Variants in PAPLN observed in about 807,000 individuals in gnomAD.
The protein encoded by PAPLN is papilin.
PAPLN carries 146 observed loss-of-function variants against 159.0 expected under a neutral mutation model. The observed-to-expected ratio is 0.92, with a 90% CI of 0.80 to 1.05. PAPLN has a LOEUF of 1.05. Among genes scored for constraint, PAPLN ranks in the 50% least tolerant of loss-of-function variants. PAPLN has a pLI of 0.00. For missense variants in PAPLN, 1,720 were observed against 1,743.9 expected (o/e 0.99, Z 0.24); for synonymous variants, 734 against 702.9 (o/e 1.04, Z -0.70).
chr14:73,256,328 C>T (rs527744760), intron 14 of PAPLN, among the ~76,000 whole-genome samples: 1 of 150,978 alleles, frequency 6.6e-6, no homozygotes, highest in African/African-American at 2.4e-5. Context: ...ACCAGGAGTT[C>T]GAGACCCGCC....
At chr14:73,237,146 A>C (rs141443426), upstream of PAPLN, among the ~76,000 whole-genome samples, 4 of 152,268 alleles carry the variant, frequency 2.6e-5, no homozygotes, top group Admixed American at 1.3e-4. Flanking sequence ...CGGCTGAAGA[A>C]TAGGATCCAG....
At chr14:73,266,184 C>A (rs1204035288) in intron 23 of PAPLN, among the ~76,000 whole-genome samples, 3 of 152,244 alleles carry the variant, frequency 2.0e-5, no homozygotes, top group Middle Eastern at 3.4e-3. Flanking sequence ...ACTAAAAATA[C>A]AAAAATAGCC....
Position 73,252,031 on chromosome 14 carries a change from A to G in PAPLN, c.857A>G (p.Glu286Gly), listed in dbSNP as rs1262295752. The change falls in exon 10 of 27, where the codon GAG becomes GGG. Residue 286 changes from glutamate to glycine, a missense_variant. By Grantham distance (98) the Glu-to-Gly change is moderately conservative. Coordinates refer to ENST00000644200, the MANE Select transcript of PAPLN (RefSeq NM_001365906.3). Reference protein sequence around the residue: ...EPLVIELISQEPNPGVHYEYH... With the variant: ...EPLVIELISQGPNPGVHYEYH... ...CTCCCGTGACAGCTCATCAGCCAGG[A>G]GCCCAACCCCGGTGTGCACTATGAG... is the stretch of plus-strand genomic sequence containing the variant. 1 of 1,609,702 alleles carries G rather than the reference A, an allele frequency of 6.2e-7. No individual in the cohort carries two copies. The highest frequency in any genetic ancestry group is 1.7e-5 in the Admixed American group (1 of 59,664).
rs747385364 is a variant in PAPLN at position 73,262,460 on chromosome 14, G to A, written c.2356G>A (p.Gly786Ser). 2.6e-5 allele frequency: 42 copies of A among 1,611,246 alleles called. No individual in the cohort carries two copies. The highest frequency in any genetic ancestry group is 1.4e-4 in the South Asian group (13 of 90,802). ...CCAATGTAACCGCTTCTGGTATGGC[G>A]GCTGCCATGGCAATGCCAATAACTT... ...VGQCNRFWYG[G>S]CHGNANNFAS... The change falls in exon 19 of 27, where the codon GGC becomes AGC. Residue 786 changes from glycine (G) to serine (S), a missense_variant. By Grantham distance (56) the Gly-to-Ser change is moderately conservative (BLOSUM62 0). Coordinates refer to ENST00000644200, the MANE Select transcript of PAPLN (RefSeq NM_001365906.3).
intron 13 of PAPLN, 82 bp downstream of exon 13, chr14:73,254,777 G>C (rs1885705522): frequency 6.3e-7 from 1 of 1,590,394 alleles, no homozygotes; most frequent in Non-Finnish European, 8.6e-7. Flanking sequence ...CCTTGGACCT[G>C]ACACGCGCCA....
chr14:73,250,994 G>A lies in PAPLN; in HGVS notation c.553G>A (p.Val185Ile), dbSNP rs773214278. The A allele has an allele frequency of 1.3e-5, 21 of 1,613,340 alleles. No individual in the cohort carries two copies. The highest frequency in any genetic ancestry group is 4.0e-5 in the African/African-American group (3 of 74,918). The change falls in exon 7 of 27, where the codon GTC (valine) becomes ATC (isoleucine). Residue 185 changes from valine to isoleucine, a missense_variant. Val to Ile is a conservative substitution (Grantham distance 29). Coordinates refer to ENST00000644200, the MANE Select transcript of PAPLN (RefSeq NM_001365906.3). ...GGGTGACGGCACGACCTGCTACCCC[G>A]TCGCAGGCACCTTTGACGCTAATGA... ...CGGDGTTCYP[V>I]AGTFDANDLS...
chr14:73,252,128 G>A lies in PAPLN; in HGVS notation c.954G>A (p.Ala318=), dbSNP rs765602228. The change falls in exon 10 of 27, where the codon GCG becomes GCA. Residue 318 remains alanine, a synonymous_variant. Coordinates refer to ENST00000644200, the MANE Select transcript of PAPLN (RefSeq NM_001365906.3). ...ACGGCTCATGGAGTGACTGCAGCGC[G>A]GAGTGTGGCGGAGGTGCGGGCGTGG... ...WSHGSWSDCS[A]ECGGGHQSRL... The A allele has an allele frequency of 1.1e-5, 17 of 1,604,236 alleles. No individual in the cohort carries two copies. Among genetic ancestry groups the A allele is most frequent in the Admixed American group, 8.5e-5 (5 of 58,932 alleles).
chr14:73,244,715 T>C lies in PAPLN; in HGVS notation c.126T>C (p.Cys42=). 1.3e-6 allele frequency: 2 copies of C among 1,596,062 alleles called. No individual in the cohort carries two copies. The highest frequency in any genetic ancestry group is 1.3e-5 in the African/African-American group (1 of 74,534). ...WSQWSPCSRT[C]GGGVSFRERP... ...AGTGGAGCCCCTGCAGCCGGACCTG[T>C]GGAGGGGGTGTCAGCTTCCGGGAGC... Residue 42 remains cysteine (C), a synonymous_variant, in exon 3 of 27, where the codon TGT becomes TGC. Coordinates refer to ENST00000644200, the MANE Select transcript of PAPLN (RefSeq NM_001365906.3).
chr14:73,260,373 T>C (rs1483893738), intron 16 of PAPLN, among the ~76,000 whole-genome samples: 1 of 152,164 alleles, frequency 6.6e-6, no homozygotes, highest in Non-Finnish European at 1.5e-5. Context: ...TGCTGTTTTG[T>C]AACCCCCGCT....
intron 26 of PAPLN, among the ~76,000 whole-genome samples, chr14:73,269,739 A>T (rs905399127): frequency 1.3e-5 from 2 of 152,194 alleles, no homozygotes; most frequent in African/African-American, 4.8e-5. Flanking sequence ...CACAGGCCTG[A>T]TACAGACCTT....
chr14:73,237,127 ACT>A (rs1323425419), upstream of PAPLN, among the ~76,000 whole-genome samples: 1 of 152,068 alleles, frequency 6.6e-6, no homozygotes, highest in African/African-American at 2.4e-5. Context: ...GTGCGGAGAA[ACT>A]CAGTTGCGGC....
At position 73,265,534 on chromosome 14, in the gene PAPLN, C is replaced by T; in HGVS notation, c.3263+27C>T. The T allele has an allele frequency of 6.2e-7, 1 of 1,608,424 alleles. No homozygotes were observed. The highest frequency in any genetic ancestry group is 8.5e-7 in the Non-Finnish European group (1 of 1,176,970). On this transcript the variant is annotated intron_variant, in intron 23 of 26. Coordinates refer to ENST00000644200, the MANE Select transcript of PAPLN (RefSeq NM_001365906.3). The surrounding 1 kb of genome is among the most constrained non-coding windows in gnomAD (Gnocchi z 4.1). ...TTTATTTGACTCCTCTCCCCTTCCTCCTATTCTGCCTCCAGCCCCACCTTA... is the reference window on the plus strand; with the variant it reads ...TTTATTTGACTCCTCTCCCCTTCCTTCTATTCTGCCTCCAGCCCCACCTTA...
In PAPLN at chr14:73,264,511, C is replaced by T. The variant is rs1887008035; in HGVS notation, c.2987-77C>T. On this transcript the variant is annotated intron_variant, in intron 21 of 26. Coordinates refer to ENST00000644200, the MANE Select transcript of PAPLN (RefSeq NM_001365906.3). ...GCCCTCATTTCTCCGTAAGTCCCTG[C>T]TGGTCTCATGGCCCGCCCTTCCTTC... 3.3e-6 allele frequency: 5 copies of T among 1,537,644 alleles called. No homozygotes were observed. In the African/African-American group the frequency reaches 4.2e-5, roughly 13 times the overall value.
chr14:73,257,983 C>T (rs568005217), intron 14 of PAPLN, among the ~76,000 whole-genome samples: 1 of 152,076 alleles, frequency 6.6e-6, no homozygotes, highest in Non-Finnish European at 1.5e-5. Context: ...AGGCTGGTCT[C>T]GAAACTCCTG....
At chr14:73,251,364 T>C in intron 7 of PAPLN, 122 bp from the exon 8 acceptor site, 1 of 1,100,694 alleles carries the variant, frequency 9.1e-7, no homozygotes, top group Non-Finnish European at 1.3e-6. Context: ...AGCTCGGCCC[T>C]GTCTGGCTCT....
In PAPLN at chr14:73,241,017, G is replaced by A. The variant is rs534175942; in HGVS notation, c.54+1185G>A. ...TGTTTTCTGCCATGGGGAGGTCGGG[G>A]GGGGGATGCCACGTCTGGCATCTGT... On this transcript the variant is annotated intron_variant, in intron 2 of 26. Transcript: ENST00000644200. Among the ~76,000 whole-genome samples the A allele has an allele frequency of 2.5e-4, 38 of 152,198 alleles. No homozygotes were observed. The South Asian group carries it at 7.9e-3, about 32-fold the overall frequency.
At position 73,272,523 on chromosome 14, in the gene PAPLN, C is replaced by T; in HGVS notation, c.3696C>T (p.Gly1232=). Residue 1232 remains glycine, a synonymous_variant, in exon 27 of 27, where the codon GGC becomes GGT. Transcript: ENST00000644200. ...PAPTAQPRDP[G]RDCVDQPELA... ...CCACCGCCCAGCCCAGGGACCCTGG[C>T]AGGGACTGCGTCGACCAGCCAGAGC... is the stretch of plus-strand genomic sequence containing the variant. The T allele has an allele frequency of 6.4e-7, 1 of 1,572,000 alleles. No homozygotes were observed. The highest frequency in any genetic ancestry group is 8.7e-7 in the Non-Finnish European group (1 of 1,148,446).
chr14:73,268,527 A>T, intron 25 of PAPLN, 30 bp from the exon 26 acceptor site: 1 of 1,596,324 alleles, frequency 6.3e-7, no homozygotes. Context: ...GAGGCCCTTG[A>T]TGGCTCTCCC....
Position 73,262,410 on chromosome 14 carries a change from G to A in PAPLN, c.2306G>A (p.Arg769His), listed in dbSNP as rs762496981. 70 of 1,613,882 alleles carry A rather than the reference G, an allele frequency of 4.3e-5. No homozygotes were observed. The highest frequency in any genetic ancestry group is 3.3e-4 in the Middle Eastern group (2 of 6,082). Reference sequence around the variant, plus strand: ...GGCTCTTGCGCAGACTGGGCTGCCCGCTGGTACTTCGTTGCCTCTGTGGGC... The same window carrying A: ...GGCTCTTGCGCAGACTGGGCTGCCCACTGGTACTTCGTTGCCTCTGTGGGC... ...AHGSCADWAA[R>H]WYFVASVGQC... The change falls in exon 19 of 27, where the codon CGC becomes CAC. Residue 769 changes from arginine to histidine, a missense_variant. Arg to His is a conservative substitution (Grantham distance 29). Transcript: ENST00000644200.
Sources: gnomAD v4.1 joint callset for allele counts (sites outside exome capture counted in the v4.1 genomes callset) on GRCh38, gnomAD v4.1.1 for gene constraint, Gnocchi (gnomAD v3.1) non-coding constraint, MANE v1.5 for transcripts, NCBI Gene and HGNC (gene_info 2026-07-23, HGNC 2026-07-21) for gene names.